PTPRN2: variants seen among roughly 807,000 people sequenced by gnomAD.
PTPRN2 encodes the protein protein tyrosine phosphatase receptor type N2, also known as receptor-type tyrosine-protein phosphatase N2.
PTPRN2 carries 74 observed loss-of-function variants against 118.8 expected under a neutral mutation model. The observed-to-expected ratio is 0.62, with a 90% CI of 0.52 to 0.76. The LOEUF (loss-of-function observed/expected upper bound fraction) is 0.76. PTPRN2 is among the 30% of genes least tolerant of loss of function. The pLI is 0.00. For synonymous variants in PTPRN2, 641 were observed against 608.0 expected (o/e 1.05, Z -0.80); for missense variants, 1,481 against 1,394.4 (o/e 1.06, Z -0.99).
chr7:158,327,038 T>G (rs1467823595), intron 2 of PTPRN2, among the ~76,000 whole-genome samples: 4 of 150,656 alleles, frequency 2.7e-5, no homozygotes, highest in Non-Finnish European at 4.4e-5. Context: ...TTCTCACACA[T>G]GCACATGTAC....
At chr7:158,247,136 C>G (rs895925003) in intron 3 of PTPRN2, among the ~76,000 whole-genome samples, 2 of 152,146 alleles carry the variant, frequency 1.3e-5, no homozygotes, top group African/African-American at 4.8e-5. Flanking sequence ...GCTGCCCATC[C>G]CCATATCTGC....
chr7:157,797,283 A>ACATTTTCTC (rs1160346650), intron 12 of PTPRN2, among the ~76,000 whole-genome samples: 1 of 152,264 alleles, frequency 6.6e-6, no homozygotes, highest in African/African-American at 2.4e-5. Context: ...ATGACAACAC[A>ACATTTTCTC]CATTTTCTCA....
intron 11 of PTPRN2, among the ~76,000 whole-genome samples, chr7:158,033,745 T>G (rs945795590): frequency 2.0e-5 from 3 of 146,490 alleles, no homozygotes; most frequent in African/African-American, 7.7e-5. Flanking sequence ...CGATAGAAAC[T>G]CTGCACTCTG....
chr7:158,057,656 G>C (rs1809899290), intron 11 of PTPRN2, among the ~76,000 whole-genome samples: 1 of 152,092 alleles, frequency 6.6e-6, no homozygotes, highest in African/African-American at 2.4e-5. Context: ...GGACCCCAGA[G>C]AGCCCAGGCC....
chr7:158,083,161 A>G (rs1812970604), intron 10 of PTPRN2, among the ~76,000 whole-genome samples: 1 of 152,104 alleles, frequency 6.6e-6, no homozygotes, highest in Non-Finnish European at 1.5e-5. Context: ...GGCACACCAG[A>G]CGTTTTATAG....
intron 15 of PTPRN2, among the ~76,000 whole-genome samples, chr7:157,614,745 G>A (rs1163025411): frequency 6.6e-6 from 1 of 152,186 alleles, no homozygotes; most frequent in Non-Finnish European, 1.5e-5. Context: ...GGGGGGCCTA[G>A]TGCAGTGGGT....
At chr7:157,870,878 GTTTC>G (rs2151259398) in intron 12 of PTPRN2, among the ~76,000 whole-genome samples, 1 of 152,350 alleles carries the variant, frequency 6.6e-6, no homozygotes, top group East Asian at 1.9e-4. Context: ...ACAGTCATCT[GTTTC>G]TTAAAGTACT....
At chr7:158,173,388 T>G (rs1823892887) in intron 5 of PTPRN2, among the ~76,000 whole-genome samples, 1 of 152,236 alleles carries the variant, frequency 6.6e-6, no homozygotes, top group Non-Finnish European at 1.5e-5. Context: ...GGTTCTGTGA[T>G]GCCCACCTGA....
chr7:157,860,084 G>A (rs958748021), intron 12 of PTPRN2, among the ~76,000 whole-genome samples: 11 of 152,348 alleles, frequency 7.2e-5, no homozygotes, highest in Middle Eastern at 3.4e-3. Flanking sequence ...GACAGCATGC[G>A]GCTTCGTGAT....
At chr7:158,532,190 G>A (rs1001034392) in intron 1 of PTPRN2, among the ~76,000 whole-genome samples, 24 of 152,244 alleles carry the variant, frequency 1.6e-4, no homozygotes, top group African/African-American at 5.5e-4. Context: ...GGTTGGCCCA[G>A]CACCTGGGTG....
At chr7:157,645,751 G>T (rs1338557976) in intron 14 of PTPRN2, among the ~76,000 whole-genome samples, 3 of 152,198 alleles carry the variant, frequency 2.0e-5, no homozygotes, top group African/African-American at 7.2e-5. Context: ...CTGGGGAGGG[G>T]GCTGGGCCCC....
intron 16 of PTPRN2, among the ~76,000 whole-genome samples, chr7:157,600,129 CTCTCCACCTGCCCACA>C: frequency 1.3e-5 from 1 of 78,372 alleles, no homozygotes; most frequent in Non-Finnish European, 2.6e-5. Context: ...ACCTGCCCAC[CTCTCCACCTGCCCACA>C]TCTCCACCTG....
In PTPRN2 at chr7:158,146,057, C is replaced by T. The variant is rs149325001; in HGVS notation, c.911-7542G>A. 3.9e-3 allele frequency among the ~76,000 whole-genome samples: 427 copies of T among 109,816 alleles called. 12 individuals are homozygous for T. The highest frequency in any genetic ancestry group is 2.4e-3 in the East Asian group (9 of 3,806). The allele number at this position is 109,816 out of a possible 152,430, so 72.0% of individuals were successfully genotyped here. On this transcript the variant is annotated intron_variant, in intron 6 of 22. Coordinates refer to ENST00000389418, the MANE Select transcript of PTPRN2 (RefSeq NM_002847.5). ...GATGAGAAATCATTTTAGTTTTCCACTCTTTTCCCCCTTTCCCATCCATTC... is the reference window on the plus strand; with the variant it reads ...GATGAGAAATCATTTTAGTTTTCCATTCTTTTCCCCCTTTCCCATCCATTC...
chr7:158,097,480 G>A (rs905970617), intron 10 of PTPRN2, among the ~76,000 whole-genome samples: 6 of 152,304 alleles, frequency 3.9e-5, no homozygotes, highest in South Asian at 4.2e-4. Context: ...ATTAGGCTGC[G>A]TGCCCCGAAT....
intron 11 of PTPRN2, among the ~76,000 whole-genome samples, chr7:157,984,264 TCCACCCCCCACGC>T (rs1803553302): frequency 2.9e-5 from 1 of 34,804 alleles, no homozygotes; most frequent in African/African-American, 1.1e-4. Flanking sequence ...CACGCCAGGC[TCCACCCCCCACGC>T]CAGGCTCCAC....
intron 12 of PTPRN2, among the ~76,000 whole-genome samples, chr7:157,742,090 C>G (rs1186170516): frequency 6.6e-6 from 1 of 152,242 alleles, no homozygotes; most frequent in Admixed American, 6.5e-5. Flanking sequence ...ATGTATCTCT[C>G]TACGGTGACT....
intron 11 of PTPRN2, among the ~76,000 whole-genome samples, chr7:158,023,325 C>G (rs1807039981): frequency 1.3e-5 from 2 of 152,114 alleles, no homozygotes; most frequent in African/African-American, 4.8e-5. Context: ...AGTCTCTGCT[C>G]TCTCAGTCCC....
At chr7:157,742,464 T>A (rs1387361504) in intron 12 of PTPRN2, among the ~76,000 whole-genome samples, 1 of 151,916 alleles carries the variant, frequency 6.6e-6, no homozygotes, top group East Asian at 1.9e-4. Flanking sequence ...ACAGAGAGAC[T>A]ACTTGATGAG....
chr7:158,522,525 G>A (rs965900301), intron 1 of PTPRN2, among the ~76,000 whole-genome samples: 1 of 151,602 alleles, frequency 6.6e-6, no homozygotes, highest in Non-Finnish European at 1.5e-5. Context: ...GACTGTCCAG[G>A]ATGGTGCATG....
Sources: gnomAD v4.1 joint callset for allele counts (sites outside exome capture counted in the v4.1 genomes callset) on GRCh38, gnomAD v4.1.1 for gene constraint, MANE v1.5 for transcripts, NCBI Gene and HGNC (gene_info 2026-07-23, HGNC 2026-07-21) for gene names.